AUH: variants seen among roughly 807,000 people sequenced by gnomAD.
AUH encodes the protein AU RNA binding methylglutaconyl-CoA hydratase.
AUH carries 29 observed loss-of-function variants against 42.3 expected under a neutral mutation model. The observed-to-expected ratio is 0.69, with a 90% CI of 0.51 to 0.93. The LOEUF is 0.93. Ranked by LOEUF, AUH falls within the 40% of genes least tolerant of loss-of-function variation. The pLI, the probability that AUH is intolerant of heterozygous loss-of-function variation, is 0.00. For missense variants in AUH, 452 were observed against 438.1 expected, an observed-to-expected ratio of 1.03 and a Z score of -0.28; for synonymous variants, 174 against 166.4, an observed-to-expected ratio of 1.05 and a Z score of -0.35.
intron 6 of AUH, among the ~76,000 whole-genome samples, chr9:91,253,441 A>G (rs1358892079): frequency 6.6e-6 from 1 of 152,260 alleles, no homozygotes; most frequent in African/African-American, 2.4e-5. Flanking sequence ...GTGAAAGCAG[A>G]AAATAAATTA....
intron 3 of AUH, among the ~76,000 whole-genome samples, chr9:91,354,739 G>T (rs1207839782): frequency 6.6e-6 from 1 of 151,768 alleles, no homozygotes; most frequent in Non-Finnish European, 1.5e-5. Flanking sequence ...CATATAATTG[G>T]GCCTTCTTTA....
chr9:91,361,047 T>C (rs1587941432), intron 1 of AUH, among the ~76,000 whole-genome samples: 1 of 152,174 alleles, frequency 6.6e-6, no homozygotes, highest in Non-Finnish European at 1.5e-5. Context: ...GCAAGATCCA[T>C]ACCATCCACA....
intron 3 of AUH, 134 bp downstream of exon 3, chr9:91,355,749 A>G (rs1488325992): frequency 1.3e-6 from 1 of 747,526 alleles, no homozygotes; most frequent in African/African-American, 1.8e-5. Flanking sequence ...TTTTCTTGTG[A>G]ATCAGTAAAA....
At chr9:91,285,826 G>A (rs1348381810) in intron 6 of AUH, among the ~76,000 whole-genome samples, 1 of 152,132 alleles carries the variant, frequency 6.6e-6, no homozygotes, top group Non-Finnish European at 1.5e-5. Flanking sequence ...CGCAAGGTAT[G>A]TTAATAATGT....
intron 4 of AUH, among the ~76,000 whole-genome samples, chr9:91,323,504 T>C (rs1829741866): frequency 6.6e-6 from 1 of 151,986 alleles, no homozygotes; most frequent in Non-Finnish European, 1.5e-5. Flanking sequence ...GTGCCTGTAG[T>C]CTCAGCTACT....
At chr9:91,316,956 T>C (rs1820971039) in intron 4 of AUH, among the ~76,000 whole-genome samples, 1 of 152,206 alleles carries the variant, frequency 6.6e-6, no homozygotes, top group Non-Finnish European at 1.5e-5. Flanking sequence ...TCTGTTAAGA[T>C]CATTGAAGTT....
intron 4 of AUH, among the ~76,000 whole-genome samples, chr9:91,313,535 C>T (rs1054276323): frequency 1.3e-5 from 2 of 151,364 alleles, no homozygotes; most frequent in Non-Finnish European, 2.9e-5. Flanking sequence ...GAAACCCCGT[C>T]TCTACTAAAA....
chr9:91,345,041 T>C (rs1357516231), intron 3 of AUH, among the ~76,000 whole-genome samples: 1 of 147,946 alleles, frequency 6.8e-6, no homozygotes, highest in Admixed American at 6.7e-5. Flanking sequence ...AAACTACAAA[T>C]AAAAAGAAAC....
intron 6 of AUH, among the ~76,000 whole-genome samples, chr9:91,272,553 A>G (rs1160773499): frequency 1.3e-5 from 2 of 152,078 alleles, no homozygotes; most frequent in Non-Finnish European, 2.9e-5. Context: ...TCTTAAGACC[A>G]TCAGGATTCA....
At chr9:91,265,293 G>GTTTTTTTTTTTTTTTT (rs1829912553) in intron 6 of AUH, among the ~76,000 whole-genome samples, 1 of 91,124 alleles carries the variant, frequency 1.1e-5, no homozygotes, top group African/African-American at 4.5e-5. Context: ...TTTTTTTTTT[G>GTTTTTTTTTTTTTTTT]GTCTTTGCTC....
Position 91,358,364 on chromosome 9 carries a change from T to A in AUH, c.263-2209A>T, listed in dbSNP as rs974191794. Among the ~76,000 whole-genome samples, 54 of 152,214 alleles carry A rather than the reference T, an allele frequency of 3.5e-4. 1 individual carries two copies. Among genetic ancestry groups the A allele is most frequent in the Admixed American group, 3.9e-4 (6 of 15,278 alleles). ...TGATACAACGTCCAAGGGCTAAGAATGCAGGCTCTAAGGTGTGATTGCTGG... is the reference window on the plus strand; with the variant it reads ...TGATACAACGTCCAAGGGCTAAGAAAGCAGGCTCTAAGGTGTGATTGCTGG... On this transcript the variant is annotated intron_variant, in intron 1 of 9. Coordinates refer to ENST00000375731, the MANE Select transcript of AUH (RefSeq NM_001698.3).
intron 6 of AUH, among the ~76,000 whole-genome samples, chr9:91,265,948 T>C (rs1829953301): frequency 6.6e-6 from 1 of 152,236 alleles, no homozygotes; most frequent in African/African-American, 2.4e-5. Context: ...ATACCTTTTT[T>C]TTTCTCTTTT....
chr9:91,304,579 G>A (rs141723594), intron 4 of AUH, among the ~76,000 whole-genome samples: 1 of 152,086 alleles, frequency 6.6e-6, no homozygotes, highest in African/African-American at 2.4e-5. Flanking sequence ...AAAGCTTATA[G>A]GAAATATATA....
intron 4 of AUH, among the ~76,000 whole-genome samples, chr9:91,303,993 G>A (rs1828022105): frequency 6.6e-6 from 1 of 152,186 alleles, no homozygotes; most frequent in Non-Finnish European, 1.5e-5. Context: ...ACAGGTGAGA[G>A]ATGGGAGTTC....
chr9:91,221,282 C>A (rs189668881), intron 6 of AUH, among the ~76,000 whole-genome samples: 1 of 152,304 alleles, frequency 6.6e-6, no homozygotes, highest in African/African-American at 2.4e-5. Flanking sequence ...GTCATCACCC[C>A]ATCAGTAACC....
intron 6 of AUH, among the ~76,000 whole-genome samples, chr9:91,237,301 C>T (rs1032290838): frequency 5.3e-5 from 8 of 152,166 alleles, no homozygotes; most frequent in South Asian, 2.1e-4. Context: ...AGCTGTGTGC[C>T]GGGGCAGGAG....
chr9:91,250,968 C>T (rs540522192), intron 6 of AUH, among the ~76,000 whole-genome samples: 87 of 152,286 alleles, frequency 5.7e-4, no homozygotes, highest in African/African-American at 2.0e-3. Context: ...GAGAAGAAAC[C>T]ACTCGTGGGT....
intron 6 of AUH, 56 bp downstream of exon 6, chr9:91,295,965 G>A: frequency 1.3e-6 from 2 of 1,580,818 alleles, no homozygotes; most frequent in Non-Finnish European, 1.7e-6. Context: ...TTTGCCTTAT[G>A]CCCTGTTTCT....
chr9:91,262,867 T>C (rs929695870), intron 6 of AUH, among the ~76,000 whole-genome samples: 1 of 152,128 alleles, frequency 6.6e-6, no homozygotes. Flanking sequence ...CTTTCAGATA[T>C]AGTCATATAG....
Sources: gnomAD v4.1 joint callset for allele counts (sites outside exome capture counted in the v4.1 genomes callset) on GRCh38, gnomAD v4.1.1 for gene constraint, MANE v1.5 for transcripts, NCBI Gene and HGNC (gene_info 2026-07-23, HGNC 2026-07-21) for gene names.